Variants in ARSG observed in about 807,000 individuals in gnomAD.
ARSG encodes the protein ASG.
ARSG carries 37 observed loss-of-function variants against 50.5 expected under a neutral mutation model. The observed-to-expected ratio is 0.73, with a 90% CI of 0.56 to 0.96. ARSG has a LOEUF of 0.96. Ranked by LOEUF, ARSG falls within the 50% of genes least tolerant of loss-of-function variation. ARSG has a pLI of 0.00. For synonymous variants in ARSG, 225 were observed against 254.6 expected, an observed-to-expected ratio of 0.88 and a Z score of 1.11; for missense variants, 629 against 675.3, an observed-to-expected ratio of 0.93 and a Z score of 0.76.
intron 11 of ARSG, among the ~76,000 whole-genome samples, chr17:68,404,759 C>T (rs549265445): frequency 6.6e-6 from 1 of 152,168 alleles, no homozygotes; most frequent in South Asian, 2.1e-4. Flanking sequence ...AAATGATTTG[C>T]CAAATTCATT....
intron 9 of ARSG, among the ~76,000 whole-genome samples, chr17:68,394,147 C>A (rs898072372): frequency 5.9e-5 from 9 of 152,040 alleles, no homozygotes; most frequent in African/African-American, 2.2e-4. Flanking sequence ...CATAAGCCAC[C>A]AAGAATGAAT....
At chr17:68,392,735 G>A (rs566826491) in intron 9 of ARSG, among the ~76,000 whole-genome samples, 1 of 152,268 alleles carries the variant, frequency 6.6e-6, no homozygotes, top group African/African-American at 2.4e-5. Flanking sequence ...TCTGACCTCA[G>A]GTGATCCACC....
intron 2 of ARSG, among the ~76,000 whole-genome samples, chr17:68,338,695 G>A (rs2078136732): frequency 6.6e-6 from 1 of 152,138 alleles, no homozygotes; most frequent in South Asian, 2.1e-4. Context: ...ATCCTTATAT[G>A]AGCCCATCCT....
the ARSG span, among the ~76,000 whole-genome samples, chr17:68,436,982 A>C: frequency 7.6e-6 from 1 of 131,120 alleles, no homozygotes; most frequent in African/African-American, 3.2e-5. Context: ...CTACAGAGTG[A>C]GACCCCGTCT....
intron 1 of ARSG, among the ~76,000 whole-genome samples, chr17:68,300,453 TAAA>T (rs1555761349): frequency 6.6e-6 from 1 of 152,182 alleles, no homozygotes; most frequent in Non-Finnish European, 1.5e-5. Flanking sequence ...AAAAGGTTCT[TAAA>T]AATGTGGCAA....
At chr17:68,425,936 G>T, downstream of ARSG, 4 of 685,508 alleles carry the variant, frequency 5.8e-6, no homozygotes, top group Non-Finnish European at 1.0e-5. Context: ...AATATCCTAT[G>T]GCTTTCCAAA....
At chr17:68,339,116 A>G (rs1244498769) in intron 2 of ARSG, among the ~76,000 whole-genome samples, 1 of 151,968 alleles carries the variant, frequency 6.6e-6, no homozygotes, top group Admixed American at 6.6e-5. Flanking sequence ...AGTGATATAT[A>G]CATAAGATAA....
downstream of ARSG, chr17:68,426,253 G>GGGGGCCCCC: frequency 1.2e-6 from 1 of 841,018 alleles, no homozygotes; most frequent in East Asian, 3.4e-5. Context: ...GGGGAGCGGG[G>GGGGGCCCCC]GCTCAAATAA....
chr17:68,260,512 G>A (rs2075056244), intron 1 of ARSG, among the ~76,000 whole-genome samples: 1 of 152,128 alleles, frequency 6.6e-6, no homozygotes, highest in Admixed American at 6.6e-5. Flanking sequence ...TTTTGAAATA[G>A]GGTCTTGCTC....
chr17:68,308,137 C>T (rs1187767079), intron 2 of ARSG, among the ~76,000 whole-genome samples: 1 of 152,106 alleles, frequency 6.6e-6, no homozygotes, highest in African/African-American at 2.4e-5. Context: ...GATCCCACTT[C>T]TACAAAAAAT....
Position 68,357,452 on chromosome 17 carries a change from C to T in ARSG, c.704+648C>T, listed in dbSNP as rs148262164. ...CTTCAGTCAAATCTCCCCTCTGGCT[C>T]CCACTTACGATAGCACTTGTGATGG... On this transcript the variant is annotated intron_variant, in intron 6 of 11. Transcript: ENST00000621439. Among the ~76,000 whole-genome samples, 312 of 152,292 alleles carry T rather than the reference C, an allele frequency of 2.0e-3. 1 individual carries two copies. Among genetic ancestry groups the T allele is most frequent in the African/African-American group, 7.2e-3 (298 of 41,558 alleles).
Position 68,343,650 on chromosome 17 carries a change from GC to G in ARSG, c.266del (p.Ala89ValfsTer46). Reference protein sequence around the residue: ...AAASTCSPSRASLLTGRLGLR... With the variant: ...AAASTCSPSRXSLLTGRLGLR... ...TGCCTCCACCTGCTCACCCTCCCGG[GC>G]TTCCTTGCTCACCGGCCGGCTTGGC... On this transcript the variant is annotated frameshift_variant, in exon 3 of 12. Coordinates refer to ENST00000621439, the MANE Select transcript of ARSG (RefSeq NM_001267727.2). LOFTEE classifies it high-confidence loss of function. 1.2e-6 allele frequency: 2 copies of G among 1,613,840 alleles called. No individual in the cohort carries two copies. Among genetic ancestry groups the G allele is most frequent in the Non-Finnish European group, 1.7e-6 (2 of 1,179,840 alleles).
At chr17:68,445,557 C>A in the ARSG span, among the ~76,000 whole-genome samples, 2 of 152,344 alleles carry the variant, frequency 1.3e-5, no homozygotes, top group Admixed American at 6.5e-5. Context: ...CCTTCCTGGG[C>A]TCCTCTCTCT....
chr17:68,366,622 A>G (rs2146668842), intron 6 of ARSG, among the ~76,000 whole-genome samples: 1 of 152,128 alleles, frequency 6.6e-6, no homozygotes, highest in Middle Eastern at 3.4e-3. Flanking sequence ...CCAAGCTGCT[A>G]GCCTCTAGCC....
At position 68,368,551 on chromosome 17, in the gene ARSG, C is replaced by T; in HGVS notation, c.708C>T (p.Thr236=). ...CCTCTTGGTTCTCCTGTTTCAGCAC[C>T]AGCGGGAGGCCCTTCCTGCTCTATG... is the stretch of plus-strand genomic sequence containing the variant. ...KATQFIQRAS[T]SGRPFLLYVA... Residue 236 remains threonine (T), a synonymous_variant, in exon 7 of 12, where the codon ACC becomes ACT. Transcript: ENST00000621439. 1.2e-6 allele frequency: 2 copies of T among 1,613,340 alleles called. No homozygotes were observed. The highest frequency in any genetic ancestry group is 2.7e-5 in the African/African-American group (2 of 75,012).
At chr17:68,384,955 G>A (rs998714291) in intron 8 of ARSG, 109 bp from the exon 9 acceptor site, 2 of 793,856 alleles carry the variant, frequency 2.5e-6, no homozygotes, top group Non-Finnish European at 4.2e-6. Context: ...TTCCTTTGTT[G>A]GGGTTATTGG....
chr17:68,295,991 A>T (rs1268873675), intron 1 of ARSG, among the ~76,000 whole-genome samples: 2 of 151,876 alleles, frequency 1.3e-5, no homozygotes, highest in Non-Finnish European at 2.9e-5. Flanking sequence ...AAAAATATAT[A>T]TTTTTAAAAA....
intron 11 of ARSG, 82 bp from the exon 12 acceptor site, chr17:68,420,107 T>C (rs1252482008): frequency 6.7e-6 from 10 of 1,488,952 alleles, no homozygotes; most frequent in South Asian, 5.0e-5. Flanking sequence ...TGAATTAATG[T>C]AGAATCACTC....
At chr17:68,428,581 A>T in the ARSG span, 1 of 423,620 alleles carries the variant, frequency 2.4e-6, no homozygotes, top group Non-Finnish European at 4.4e-6. Context: ...CTGTGTTAGG[A>T]GCATAGGCTG....
Sources: gnomAD v4.1 joint callset for allele counts (sites outside exome capture counted in the v4.1 genomes callset) on GRCh38, gnomAD v4.1.1 for gene constraint, MANE v1.5 for transcripts, NCBI Gene and HGNC (gene_info 2026-07-23, HGNC 2026-07-21) for gene names.